Variants in EYS observed in about 807,000 individuals in gnomAD.
EYS encodes the protein EGF-like photoreceptor maintenance factor.
A neutral mutation model predicts 282.1 loss-of-function variants in EYS; 250 were observed. That is an observed-to-expected ratio of 0.89 (90% CI 0.80 to 0.98). The LOEUF (loss-of-function observed/expected upper bound fraction) is 0.98. Among genes scored for constraint, EYS ranks in the 50% least tolerant of loss-of-function variants. EYS has a pLI of 0.00. For missense variants in EYS, 4,016 were observed against 3,709.0 expected, an observed-to-expected ratio of 1.08 and a Z score of -2.15; for synonymous variants, 1,355 against 1,282.9, an observed-to-expected ratio of 1.06 and a Z score of -1.20.
chr6:64,887,981 A>G (rs555516697), intron 18 of EYS, among the ~76,000 whole-genome samples: 1 of 152,050 alleles, frequency 6.6e-6, no homozygotes. Flanking sequence ...TGTGCCTGGC[A>G]TATTTCATTT....
chr6:65,469,712 T>G (rs1387091366), intron 5 of EYS, among the ~76,000 whole-genome samples: 1 of 151,874 alleles, frequency 6.6e-6, no homozygotes, highest in East Asian at 1.9e-4. Flanking sequence ...ATTCAGCTCT[T>G]TTTTTTAAGT....
chr6:64,114,065 G>A (rs549059164), intron 31 of EYS, among the ~76,000 whole-genome samples: 48 of 152,114 alleles, frequency 3.2e-4, no homozygotes, highest in Middle Eastern at 3.4e-3. Context: ...AAACTTACCA[G>A]CCTTTGTTCT....
intron 12 of EYS, among the ~76,000 whole-genome samples, chr6:65,097,668 C>A (rs570985202): frequency 1.3e-5 from 2 of 150,804 alleles, no homozygotes; most frequent in East Asian, 3.9e-4. Flanking sequence ...ATTATTCAGT[C>A]TTGAAGAAGA....
chr6:63,827,400 T>C (rs1423210039), intron 36 of EYS, among the ~76,000 whole-genome samples: 2 of 152,216 alleles, frequency 1.3e-5, no homozygotes, highest in Non-Finnish European at 2.9e-5. Context: ...GGATTTGAAC[T>C]ATACCTTGGA....
At chr6:64,620,608 G>A (rs943050637) in intron 23 of EYS, among the ~76,000 whole-genome samples, 5 of 152,150 alleles carry the variant, frequency 3.3e-5, no homozygotes, top group Admixed American at 1.3e-4. Flanking sequence ...GAAGAAACAC[G>A]TAAGATGAAT....
intron 12 of EYS, among the ~76,000 whole-genome samples, chr6:65,060,810 A>ACG (rs1773553567): frequency 1.3e-5 from 2 of 150,040 alleles, no homozygotes; most frequent in African/African-American, 4.9e-5. Flanking sequence ...ATACACACAC[A>ACG]TACATATATA....
intron 31 of EYS, among the ~76,000 whole-genome samples, chr6:64,166,542 C>T (rs940879024): frequency 1.7e-4 from 26 of 152,224 alleles, no homozygotes; most frequent in African/African-American, 5.8e-4. Flanking sequence ...AAGGATGTAG[C>T]TGGGGCCTGT....
At chr6:64,366,380 T>C (rs1475193138) in intron 29 of EYS, among the ~76,000 whole-genome samples, 1 of 152,032 alleles carries the variant, frequency 6.6e-6, no homozygotes, top group African/African-American at 2.4e-5. Flanking sequence ...CCATATGGAC[T>C]GGCAATAGGT....
intron 35 of EYS, among the ~76,000 whole-genome samples, chr6:63,953,220 C>T (rs368151875): frequency 1.4e-4 from 21 of 152,206 alleles, no homozygotes; most frequent in African/African-American, 5.1e-4. Flanking sequence ...GTCCCAGCAG[C>T]TTACCTGGGC....
chr6:64,893,874 T>C (rs1245279769), intron 18 of EYS, among the ~76,000 whole-genome samples: 2 of 151,964 alleles, frequency 1.3e-5, no homozygotes, highest in Non-Finnish European at 2.9e-5. Flanking sequence ...TATGTACACA[T>C]ATTTACACAT....
chr6:63,818,796 C>G (rs1016766604), intron 36 of EYS, among the ~76,000 whole-genome samples: 14 of 152,172 alleles, frequency 9.2e-5, no homozygotes, highest in African/African-American at 3.1e-4. Flanking sequence ...CCTAACTAAC[C>G]CCACCTGACT....
chr6:64,524,822 G>A (rs1269175441), intron 26 of EYS, among the ~76,000 whole-genome samples: 1 of 151,446 alleles, frequency 6.6e-6, no homozygotes, highest in African/African-American at 2.4e-5. Context: ...TGTTCCATTG[G>A]TCTATGGGTC....
intron 12 of EYS, among the ~76,000 whole-genome samples, chr6:65,243,142 G>T (rs1035438036): frequency 6.6e-6 from 1 of 152,200 alleles, no homozygotes; most frequent in Middle Eastern, 3.4e-3. Context: ...ATTTTGATGT[G>T]CATTCATTTA....
chr6:63,946,902 A>G lies in EYS; in HGVS notation c.7055+37481T>C, dbSNP rs139194741. ...TGAATATCCCATTTACCCTGATGTG[A>G]TTATTACTGATGGTATGTATGTATC... On this transcript the variant is annotated intron_variant, in intron 35 of 42. Transcript: ENST00000503581. Among the ~76,000 whole-genome samples, 705 of 152,062 alleles carry G rather than the reference A, an allele frequency of 4.6e-3. 6 individuals are homozygous for G. Among genetic ancestry groups the G allele is most frequent in the African/African-American group, 0.016 (650 of 41,512 alleles).
At chr6:64,383,946 T>C (rs531696992) in intron 29 of EYS, among the ~76,000 whole-genome samples, 4 of 152,346 alleles carry the variant, frequency 2.6e-5, no homozygotes, top group African/African-American at 7.2e-5. Context: ...ATACATATAA[T>C]GTCTCTAACT....
chr6:64,718,585 A>G (rs1451453676), intron 22 of EYS, among the ~76,000 whole-genome samples: 1 of 152,154 alleles, frequency 6.6e-6, no homozygotes, highest in Non-Finnish European at 1.5e-5. Flanking sequence ...CCACCTTAAC[A>G]TTCACGCTTT....
intron 22 of EYS, among the ~76,000 whole-genome samples, chr6:64,684,015 T>G (rs1227464252): frequency 6.6e-6 from 1 of 152,182 alleles, no homozygotes; most frequent in African/African-American, 2.4e-5. Context: ...AGGTCTTTGT[T>G]CAATAAACCT....
At chr6:63,780,072 T>C (rs1770174792) in intron 39 of EYS, among the ~76,000 whole-genome samples, 1 of 152,206 alleles carries the variant, frequency 6.6e-6, no homozygotes, top group Non-Finnish European at 1.5e-5. Flanking sequence ...ACAAAGGACA[T>C]GAACTCATCC....
intron 18 of EYS, among the ~76,000 whole-genome samples, chr6:64,899,257 CA>C (rs1227247034): frequency 1.3e-5 from 2 of 152,174 alleles, no homozygotes. Flanking sequence ...AACAGTCTCT[CA>C]GACCACAGTG....
Sources: gnomAD v4.1 joint callset for allele counts (sites outside exome capture counted in the v4.1 genomes callset) on GRCh38, gnomAD v4.1.1 for gene constraint, MANE v1.5 for transcripts, NCBI Gene and HGNC (gene_info 2026-07-23, HGNC 2026-07-21) for gene names.